The following CDYL variants were observed in gnomAD, a reference collection of about 807,000 sequenced individuals.
CDYL encodes the protein chromodomain Y like, also known as chromodomain Y-like protein.
Under a neutral mutation model 47.3 loss-of-function variants are expected in CDYL, and 8 were observed. That is an observed-to-expected ratio of 0.17 (90% confidence interval 0.10 to 0.31). The LOEUF (loss-of-function observed/expected upper bound fraction) is 0.31. CDYL is among the 10% of genes least tolerant of loss of function. The pLI, the probability that CDYL is intolerant of heterozygous loss-of-function variation, is 1.00. For missense variants in CDYL, 471 were observed against 701.4 expected, an observed-to-expected ratio of 0.67 and a Z score of 3.71; for synonymous variants, 266 against 265.0, an observed-to-expected ratio of 1.00 and a Z score of -0.04.
chr6:4,722,036 G>A (rs947134096), intron 2 of CDYL, among the ~76,000 whole-genome samples: 7 of 152,020 alleles, frequency 4.6e-5, no homozygotes, highest in Non-Finnish European at 7.4e-5. Context: ...TGTATTTTTA[G>A]TAGAGACGGG....
At chr6:4,771,926 A>AT (rs1338637489), upstream of CDYL, among the ~76,000 whole-genome samples, 1 of 152,206 alleles carries the variant, frequency 6.6e-6, no homozygotes, top group Non-Finnish European at 1.5e-5. Flanking sequence ...CCTCTTTATG[A>AT]TTTTTGGTCT....
chr6:4,715,949 T>C (rs1757249890), intron 2 of CDYL: 2 of 1,559,840 alleles, frequency 1.3e-6, no homozygotes, highest in Non-Finnish European at 1.7e-6. Context: ...GCCCCTTTTA[T>C]TTAAAAATGA....
upstream of CDYL, among the ~76,000 whole-genome samples, chr6:4,776,233 C>T (rs1423976763): frequency 7.0e-6 from 1 of 143,158 alleles, no homozygotes; most frequent in Non-Finnish European, 1.5e-5. Flanking sequence ...CCGGCCCCGC[C>T]GGCCGCCCGC....
intron 2 of CDYL, among the ~76,000 whole-genome samples, chr6:4,722,347 T>C (rs1757386693): frequency 6.6e-6 from 1 of 151,088 alleles, no homozygotes; most frequent in Non-Finnish European, 1.5e-5. Context: ...TGGCTTAAGG[T>C]AAAGAGTTCG....
At chr6:4,769,319 C>T (rs953365025) in intron 3 of CDYL, among the ~76,000 whole-genome samples, 1 of 152,112 alleles carries the variant, frequency 6.6e-6, no homozygotes, top group Non-Finnish European at 1.5e-5. Context: ...CTGTTAAAAT[C>T]TAAATCTGTA....
chr6:4,926,975 A>G (rs1418850385), intron 2 of CDYL, among the ~76,000 whole-genome samples: 5 of 152,176 alleles, frequency 3.3e-5, no homozygotes, highest in Non-Finnish European at 5.9e-5. Context: ...TGTGATGCAA[A>G]TGGCAGCTGC....
At chr6:4,793,599 T>G (rs1275250992) in intron 1 of CDYL, among the ~76,000 whole-genome samples, 1 of 152,144 alleles carries the variant, frequency 6.6e-6, no homozygotes, top group East Asian at 1.9e-4. Context: ...TATTTTAAAG[T>G]TTATGCCAGA....
chr6:4,822,800 GACA>G (rs1759877945), intron 1 of CDYL, among the ~76,000 whole-genome samples: 1 of 152,154 alleles, frequency 6.6e-6, no homozygotes, highest in Non-Finnish European at 1.5e-5. Context: ...CAGTCATGTA[GACA>G]ACAACAAAAC....
Position 4,892,061 on chromosome 6 carries a change from C to A in CDYL, c.373C>A (p.Pro125Thr). ...CCAGAAGTTCAGGAAGAACACAGCT[C>A]CATCTCTCTCCAGCCGGAAGAACAT... ...ASQKFRKNTA[P>T]SLSSRKNMDL... Residue 125 changes from proline to threonine, a missense_variant, in exon 2 of 7, where the codon CCA (proline) becomes ACA (threonine). Pro to Thr is a conservative substitution (Grantham distance 38). Around this residue, in one of 3 missense-constraint regions of CDYL, gnomAD observed 311 missense variants for 350.0 expected, o/e 0.89. Transcript: ENST00000397588. The A allele has an allele frequency of 6.2e-7, 1 of 1,614,214 alleles. No homozygotes were observed. The highest frequency in any genetic ancestry group is 8.5e-7 in the Non-Finnish European group (1 of 1,180,040).
chr6:4,775,455 C>G (rs547903314), upstream of CDYL: 10 of 151,088 alleles, frequency 6.6e-5, no homozygotes, highest in African/African-American at 2.4e-4. The surrounding 1 kb of genome is among the most constrained non-coding windows in gnomAD (Gnocchi z 7.0). Flanking sequence ...TAGTCCACAC[C>G]GTTCCGCGAA....
chr6:4,944,640 G>A (rs1222405853), intron 5 of CDYL, among the ~76,000 whole-genome samples: 1 of 152,206 alleles, frequency 6.6e-6, no homozygotes, highest in Non-Finnish European at 1.5e-5. Context: ...GCTCCTTCAG[G>A]TTCCAAGGGG....
chr6:4,838,447 C>T (rs1363947658), intron 1 of CDYL, among the ~76,000 whole-genome samples: 3 of 152,156 alleles, frequency 2.0e-5, no homozygotes, highest in East Asian at 1.9e-4. Context: ...ATAATGATCT[C>T]CAGTTCCATC....
At chr6:4,782,792 G>A (rs907234321) in intron 1 of CDYL, among the ~76,000 whole-genome samples, 1 of 152,096 alleles carries the variant, frequency 6.6e-6, no homozygotes, top group South Asian at 2.1e-4. Flanking sequence ...CTTATCTGTG[G>A]CTGCCCTCCA....
At chr6:4,953,828 T>C in intron 6 of CDYL, 70 bp from the exon 7 acceptor site, 2 of 1,435,420 alleles carry the variant, frequency 1.4e-6, no homozygotes, top group Non-Finnish European at 9.5e-7. Flanking sequence ...CCTCCGTAAA[T>C]GTGGAGGCAC....
intron 5 of CDYL, among the ~76,000 whole-genome samples, chr6:4,950,318 A>C (rs951088945): frequency 6.6e-6 from 1 of 152,202 alleles, no homozygotes; most frequent in Non-Finnish European, 1.5e-5. Context: ...CCGCTGCCCA[A>C]GCTAAGGCTC....
chr6:4,784,594 A>G (rs542534621), intron 1 of CDYL, among the ~76,000 whole-genome samples: 3 of 152,318 alleles, frequency 2.0e-5, no homozygotes, highest in South Asian at 2.1e-4. Context: ...AAAATGTTCA[A>G]TGTCTTTGTT....
chr6:4,775,563 T>A (rs369071954), upstream of CDYL, among the ~76,000 whole-genome samples: 146 of 152,058 alleles, frequency 9.6e-4, 2 homozygotes, highest in East Asian at 0.025. This position sits in a 1 kb window ranked among gnomAD's most constrained non-coding sequence, Gnocchi z 7.0. Flanking sequence ...AGGCGGACGC[T>A]CCGAGAGGAA....
At chr6:4,897,170 T>G (rs1270982120) in intron 2 of CDYL, among the ~76,000 whole-genome samples, 1 of 152,238 alleles carries the variant, frequency 6.6e-6, no homozygotes, top group African/African-American at 2.4e-5. Context: ...CGTAACTTTG[T>G]CCTTTCATGG....
intron 1 of CDYL, among the ~76,000 whole-genome samples, chr6:4,847,470 G>C (rs1460615059): frequency 2.0e-5 from 3 of 152,158 alleles, no homozygotes; most frequent in Admixed American, 2.0e-4. Context: ...TTGTGTGATA[G>C]CAGGGTCTAG....
Sources: allele counts gnomAD v4.1 joint callset (sites outside exome capture counted in the v4.1 genomes callset), GRCh38; gene constraint gnomAD v4.1.1; regional missense constraint gnomAD v4.1.1; non-coding constraint Gnocchi (gnomAD v3.1); transcripts MANE v1.5; gene names NCBI Gene and HGNC (gene_info 2026-07-23, HGNC 2026-07-21).